GALNT2: variants seen among roughly 807,000 people sequenced by gnomAD.
The protein encoded by GALNT2 is polypeptide N-acetylgalactosaminyltransferase 2.
GALNT2 carries 31 observed loss-of-function variants against 81.4 expected under a neutral mutation model. The ratio of observed to expected loss-of-function variants is 0.38; its 90% confidence interval spans 0.29 to 0.51. GALNT2 has a LOEUF of 0.51. Among genes scored for constraint, GALNT2 ranks in the 20% least tolerant of loss-of-function variants. The pLI is 0.87. For synonymous variants in GALNT2, 303 were observed against 287.4 expected (o/e 1.05, Z -0.55); for missense variants, 629 against 765.7 (o/e 0.82, Z 2.11).
At chr1:230,184,366 T>C (rs1291355734) in intron 2 of GALNT2, among the ~76,000 whole-genome samples, 2 of 151,936 alleles carry the variant, frequency 1.3e-5, no homozygotes, top group Non-Finnish European at 2.9e-5. Flanking sequence ...TTTTTGTATT[T>C]TTTTAGTAGA....
rs140158796 is a variant in GALNT2, at chr1:230,271,372, C to A, written c.1441-3073C>A. Among the ~76,000 whole-genome samples, 281 of 152,372 alleles carry A rather than the reference C, an allele frequency of 1.8e-3. 1 individual carries two copies. Among genetic ancestry groups the A allele is most frequent in the African/African-American group, 6.5e-3 (270 of 41,582 alleles). ...CTCACAAAACTTCTCACCTCTGACA[C>A]CAGCCCTGTGGGCTTTTCCCCCCAC... On this transcript the variant is annotated intron_variant, in intron 14 of 15. Transcript: ENST00000366672. This position sits in a 1 kb window ranked among gnomAD's most constrained non-coding sequence, Gnocchi z 4.2.
chr1:230,111,411 A>G (rs1221558743), intron 1 of GALNT2, among the ~76,000 whole-genome samples: 2 of 152,224 alleles, frequency 1.3e-5, no homozygotes, highest in African/African-American at 4.8e-5. Flanking sequence ...TACATGTACA[A>G]ACACACATGT....
intron 1 of GALNT2, among the ~76,000 whole-genome samples, chr1:230,119,334 G>T (rs374256376): frequency 9.9e-5 from 15 of 152,270 alleles, no homozygotes; most frequent in African/African-American, 3.6e-4. Flanking sequence ...GCGTCTCCGT[G>T]GGGTAGTTTT....
intron 1 of GALNT2, among the ~76,000 whole-genome samples, chr1:230,107,678 A>G (rs941387233): frequency 3.3e-5 from 5 of 150,022 alleles, no homozygotes; most frequent in Non-Finnish European, 7.4e-5. Flanking sequence ...GGATTAAAGA[A>G]AGGAGAACTA....
rs545663622 is a variant in GALNT2, at chr1:230,169,877, G to A, written c.127-8341G>A. Among the ~76,000 whole-genome samples the A allele has an allele frequency of 1.1e-4, 17 of 152,232 alleles. 1 individual carries two copies. Among genetic ancestry groups the A allele is most frequent in the African/African-American group, 4.1e-4 (17 of 41,522 alleles). ...AGAAATTTGCCCTCCTCTCATTTTC[G>A]CAGCATTGAGTTTCATAAACTAAGT... is the stretch of plus-strand genomic sequence containing the variant. On this transcript the variant is annotated intron_variant, in intron 1 of 15. Transcript: ENST00000366672.
intron 1 of GALNT2, among the ~76,000 whole-genome samples, chr1:230,158,194 G>A (rs565504442): frequency 6.6e-6 from 1 of 152,052 alleles, no homozygotes; most frequent in Admixed American, 6.6e-5. Context: ...CGGGTAGCAG[G>A]GGGGCAGGAT....
chr1:230,245,109 C>A (rs1018650299), intron 7 of GALNT2, among the ~76,000 whole-genome samples: 3 of 151,872 alleles, frequency 2.0e-5, no homozygotes, highest in Admixed American at 2.0e-4. Context: ...AAACTCTTAC[C>A]AGAATGATGG....
chr1:230,088,773 A>G (rs1659972426), intron 1 of GALNT2, among the ~76,000 whole-genome samples: 1 of 151,774 alleles, frequency 6.6e-6, no homozygotes, highest in Non-Finnish European at 1.5e-5. Flanking sequence ...TCCTGACCTC[A>G]TGATCCACCT....
Position 230,239,652 on chromosome 1 carries a change from A to G in GALNT2, c.607+2927A>G, listed in dbSNP as rs150334194. On this transcript the variant is annotated intron_variant, in intron 6 of 15. Coordinates refer to ENST00000366672, the MANE Select transcript of GALNT2 (RefSeq NM_004481.5). ...CCCAGATTGAGGGTAGTTCATTTAC[A>G]TGTGGCGTAATCATTGGTGTGACTA... Among the ~76,000 whole-genome samples the G allele has an allele frequency of 9.1e-3, 1,388 of 152,238 alleles. 17 individuals carry two copies. Among genetic ancestry groups the G allele is most frequent in the South Asian group, 0.053 (257 of 4,816 alleles).
chr1:230,075,663 T>A (rs935422980), intron 1 of GALNT2, among the ~76,000 whole-genome samples: 1 of 152,184 alleles, frequency 6.6e-6, no homozygotes, highest in Non-Finnish European at 1.5e-5. Context: ...ATCCTTGTGG[T>A]CTTGGAGCTT....
rs796520031 is a variant in GALNT2, at chr1:230,237,036, C to CA, written c.607+314dup. Among the ~76,000 whole-genome samples, 9 of 152,268 alleles carry CA rather than the reference C, an allele frequency of 5.9e-5. 2 individuals are homozygous for CA. The highest frequency in any genetic ancestry group is 2.2e-4 in the African/African-American group (9 of 41,548). On this transcript the variant is annotated intron_variant, in intron 6 of 15. Transcript: ENST00000366672. ...TGAATACAAAAGTTTAGAAGAAAAA[C>CA]AAAGATTTAGCAATAAGAAGTTGAA...
rs563202262 is a variant in GALNT2, at chr1:230,271,202, G to A, written c.1441-3243G>A. ...CCCCAGCCCCTGTGAGTGCAGGGACGGAACAATGTGCTTCTTCCTGGCCCT... is the reference window on the plus strand; with the variant it reads ...CCCCAGCCCCTGTGAGTGCAGGGACAGAACAATGTGCTTCTTCCTGGCCCT... On this transcript the variant is annotated intron_variant, in intron 14 of 15. Coordinates refer to ENST00000366672, the MANE Select transcript of GALNT2 (RefSeq NM_004481.5). This position sits in a 1 kb window ranked among gnomAD's most constrained non-coding sequence, Gnocchi z 4.2. 1.3e-5 allele frequency among the ~76,000 whole-genome samples: 2 copies of A among 152,202 alleles called. No individual in the cohort carries two copies. Among genetic ancestry groups the A allele is most frequent in the Admixed American group, 1.3e-4 (2 of 15,280 alleles).
At chr1:230,264,430 C>A (rs954214809) in intron 13 of GALNT2, 1 of 152,246 alleles carries the variant, frequency 6.6e-6, no homozygotes, top group Non-Finnish European at 1.5e-5. Flanking sequence ...AGAGGTCACC[C>A]ATGGTTTGTA....
chr1:230,202,379 C>T (rs1663918446), intron 2 of GALNT2, among the ~76,000 whole-genome samples: 1 of 152,236 alleles, frequency 6.6e-6, no homozygotes, highest in African/African-American at 2.4e-5. Flanking sequence ...ACTGCCTCTG[C>T]CCTAGGGTAG....
intron 3 of GALNT2, among the ~76,000 whole-genome samples, chr1:230,208,894 G>T (rs1664146543): frequency 6.6e-6 from 1 of 152,096 alleles, no homozygotes; most frequent in South Asian, 2.1e-4. Context: ...ATACCCGTGG[G>T]GTGCTCCTGG....
At chr1:230,087,494 A>T (rs16850878) in intron 1 of GALNT2, among the ~76,000 whole-genome samples, 14,643 of 152,212 alleles carry the variant, frequency 0.096, 861 homozygotes, top group Admixed American at 0.16. Context: ...CGCACTGTTA[A>T]CCAGCGGTTT....
chr1:230,237,198 C>CTTCT (rs903005463), intron 6 of GALNT2, among the ~76,000 whole-genome samples: 3 of 152,318 alleles, frequency 2.0e-5, no homozygotes, highest in African/African-American at 7.2e-5. Context: ...ACCTCGGAAC[C>CTTCT]TTCTGTCAGT....
chr1:230,157,438 A>G (rs1572030132), intron 1 of GALNT2, among the ~76,000 whole-genome samples: 1 of 152,236 alleles, frequency 6.6e-6, no homozygotes, highest in South Asian at 2.1e-4. Flanking sequence ...GCAGTTTCTT[A>G]TAAAGCTAAA....
chr1:230,215,730 A>G (rs1664371114), intron 3 of GALNT2, among the ~76,000 whole-genome samples: 1 of 152,226 alleles, frequency 6.6e-6, no homozygotes, highest in East Asian at 1.9e-4. Flanking sequence ...AATCTCTGTA[A>G]ACCCTGGGTT....
Sources: gnomAD v4.1 joint callset for allele counts (sites outside exome capture counted in the v4.1 genomes callset) on GRCh38, gnomAD v4.1.1 for gene constraint, Gnocchi (gnomAD v3.1) non-coding constraint, MANE v1.5 for transcripts, NCBI Gene and HGNC (gene_info 2026-07-23, HGNC 2026-07-21) for gene names.